The following RSPH9 variants were observed in gnomAD, a reference collection of about 807,000 sequenced individuals.
The protein encoded by RSPH9 is radial spoke head component 9.
A neutral mutation model predicts 27.0 loss-of-function variants in RSPH9; 27 were observed. That is an observed-to-expected ratio of 1.00 (90% confidence interval 0.74 to 1.38). The LOEUF (loss-of-function observed/expected upper bound fraction) is 1.38, where lower values mean the gene tolerates loss of function less well. Among genes scored for constraint, RSPH9 ranks in the 40% most tolerant of loss-of-function variants. RSPH9 has a pLI of 0.00. For synonymous variants in RSPH9, 145 were observed against 147.7 expected, an observed-to-expected ratio of 0.98 and a Z score of 0.13; for missense variants, 347 against 357.4, an observed-to-expected ratio of 0.97 and a Z score of 0.24.
intron 2 of RSPH9, among the ~76,000 whole-genome samples, chr6:43,653,470 A>T (rs1011488153): frequency 1.3e-5 from 2 of 150,514 alleles, no homozygotes; most frequent in East Asian, 3.9e-4. Flanking sequence ...AAAAAAGACC[A>T]TATAGACATC....
Position 43,645,055 on chromosome 6 carries a change from T to C in RSPH9, c.-44T>C. The stretch of plus-strand genomic sequence containing the variant: ...AGCTTCAGGTCTCCATGGAGGCGGC[T>C]TCTCCTAGCAACTCGACGGGCGTTG... On this transcript the variant is annotated 5_prime_UTR_variant, in exon 1 of 5. Transcript: ENST00000372163. 6.4e-7 allele frequency: 1 copy of C among 1,561,566 alleles called. No individual in the cohort carries two copies. Among genetic ancestry groups the C allele is most frequent in the African/African-American group, 1.3e-5 (1 of 74,198 alleles).
rs35110984 is a variant in RSPH9, at chr6:43,650,410, C to T, written c.263C>T (p.Ala88Val). Residue 88 changes from alanine (A) to valine (V), a missense_variant, in exon 2 of 5, where the codon GCC becomes GTC. Ala to Val is a moderately conservative substitution (Grantham distance 64). Coordinates refer to ENST00000372163, the MANE Select transcript of RSPH9 (RefSeq NM_152732.5). ...NCTEWSLLPPATEEMVAQSSV... is the reference protein window; with the variant it reads ...NCTEWSLLPPVTEEMVAQSSV... ...ACAGAGTGGAGCCTCTTGCCCCCTG[C>T]CACAGAGGAGATGGTGGCGCAGTCG... 1.1e-3 allele frequency: 1,788 copies of T among 1,613,736 alleles called. 17 individuals carry two copies. In the African/African-American group the frequency reaches 0.022, roughly 20 times the overall value.
chr6:43,665,660 C>G (rs1364076390), intron 4 of RSPH9, among the ~76,000 whole-genome samples: 1 of 152,100 alleles, frequency 6.6e-6, no homozygotes, highest in Non-Finnish European at 1.5e-5. Context: ...CACCATGTTG[C>G]TTTATGAGCT....
chr6:43,649,861 C>T (rs1233549888), intron 1 of RSPH9, among the ~76,000 whole-genome samples: 1 of 152,124 alleles, frequency 6.6e-6, no homozygotes, highest in Non-Finnish European at 1.5e-5. Flanking sequence ...CATTTAATTT[C>T]AGCATACATG....
intron 1 of RSPH9, 38 bp downstream of exon 1, chr6:43,645,363 CTACCTGGAGG>C: frequency 1.2e-6 from 1 of 816,154 alleles, no homozygotes; most frequent in Non-Finnish European, 1.8e-6. Flanking sequence ...CAGAGGGTGG[CTACCTGGAGG>C]CAGGGCGGGG....
intron 4 of RSPH9, among the ~76,000 whole-genome samples, chr6:43,658,938 C>T (rs560288653): frequency 2.6e-5 from 4 of 152,300 alleles, no homozygotes; most frequent in African/African-American, 9.6e-5. Context: ...CTGCCCGCTT[C>T]AGCCTCCCAA....
chr6:43,664,026 CGA>C (rs1561943707), intron 4 of RSPH9, among the ~76,000 whole-genome samples: 1 of 127,552 alleles, frequency 7.8e-6, no homozygotes, highest in Non-Finnish European at 1.7e-5. Context: ...GAGAATGTCT[CGA>C]AAAAAAAAAA....
intron 1 of RSPH9, among the ~76,000 whole-genome samples, chr6:43,645,533 G>C (rs1302946611): frequency 3.9e-5 from 6 of 152,230 alleles, no homozygotes; most frequent in Non-Finnish European, 7.3e-5. Flanking sequence ...GGATGGGGAT[G>C]TCTCGGAATC....
intron 2 of RSPH9, among the ~76,000 whole-genome samples, chr6:43,652,429 C>CT (rs1178544653): frequency 0.01 from 1,457 of 142,616 alleles, 8 homozygotes; most frequent in African/African-American, 0.018. Flanking sequence ...CCTTCCCATT[C>CT]TTTTTTTTTT....
rs763897647 is a variant in RSPH9, at chr6:43,671,808, C to T, written c.*859C>T. 9.3e-5 allele frequency: 150 copies of T among 1,614,092 alleles called. No individual in the cohort carries two copies. The highest frequency in any genetic ancestry group is 1.2e-4 in the Non-Finnish European group (144 of 1,180,044). On this transcript the variant is annotated 3_prime_UTR_variant, in exon 5 of 5. Coordinates refer to ENST00000372163, the MANE Select transcript of RSPH9 (RefSeq NM_152732.5). ...TGTTCTTGAGTAGCAGACATTGTCC[C>T]TCAGAAGGGGTGACCCCACGGGCAT...
At chr6:43,664,459 C>A (rs564748027) in intron 4 of RSPH9, among the ~76,000 whole-genome samples, 1 of 152,214 alleles carries the variant, frequency 6.6e-6, no homozygotes, top group South Asian at 2.1e-4. Flanking sequence ...CCTAGGAGGG[C>A]CTAGAAGGCC....
At chr6:43,654,019 C>T (rs1032506289) in intron 2 of RSPH9, among the ~76,000 whole-genome samples, 2 of 152,128 alleles carry the variant, frequency 1.3e-5, no homozygotes, top group Non-Finnish European at 2.9e-5. Context: ...TATTATTTTT[C>T]TGTAAAATTG....
chr6:43,659,225 CTT>C (rs56790116), intron 4 of RSPH9, among the ~76,000 whole-genome samples: 5 of 144,478 alleles, frequency 3.5e-5, no homozygotes, highest in Non-Finnish European at 4.6e-5. Context: ...CCACTGAAGT[CTT>C]TTTTTTTTTT....
In RSPH9 at chr6:43,656,633, G is replaced by A; in HGVS notation, c.580G>A (p.Val194Ile). 6.2e-7 allele frequency: 1 copy of A among 1,614,196 alleles called. No individual in the cohort carries two copies. The highest frequency in any genetic ancestry group is 8.5e-7 in the Non-Finnish European group (1 of 1,180,004). ...LSSYFHFREP[V>I]ELKNKTLLEK... ...CTCCTACTTCCATTTCAGGGAGCCT[G>A]TTGAGCTAAAGAATAAGACCTTGCT... Residue 194 changes from valine to isoleucine, a missense_variant, in exon 4 of 5, where the codon GTT becomes ATT. Val to Ile is a conservative substitution (Grantham distance 29). Transcript: ENST00000372163.
intron 2 of RSPH9, among the ~76,000 whole-genome samples, chr6:43,654,361 A>C (rs553606267): frequency 2.0e-5 from 3 of 152,346 alleles, no homozygotes; most frequent in Admixed American, 2.0e-4. Flanking sequence ...AGGATATGAA[A>C]CAATATAAAC....
At chr6:43,648,756 G>A (rs1324205395) in intron 1 of RSPH9, among the ~76,000 whole-genome samples, 1 of 152,212 alleles carries the variant, frequency 6.6e-6, no homozygotes, top group Non-Finnish European at 1.5e-5. Flanking sequence ...GCCAAGGTGG[G>A]AGCTGTGGAA....
At chr6:43,655,735 C>T (rs1771934283) in intron 3 of RSPH9, 44 bp downstream of exon 3, 1 of 1,611,268 alleles carries the variant, frequency 6.2e-7, no homozygotes, top group African/African-American at 1.3e-5. Flanking sequence ...GGTATCTTTT[C>T]CCAAGCACAG....
intron 4 of RSPH9, among the ~76,000 whole-genome samples, chr6:43,662,306 G>A (rs1772709508): frequency 6.6e-6 from 1 of 152,042 alleles, no homozygotes; most frequent in Non-Finnish European, 1.5e-5. Flanking sequence ...GGTTGTGGCC[G>A]GTTTGATTTC....
At chr6:43,658,471 T>C (rs556488546) in intron 4 of RSPH9, among the ~76,000 whole-genome samples, 2 of 152,272 alleles carry the variant, frequency 1.3e-5, no homozygotes, top group South Asian at 4.1e-4. Flanking sequence ...GCATTGTGTC[T>C]AAAAATGTTA....
Sources: allele counts gnomAD v4.1 joint callset (sites outside exome capture counted in the v4.1 genomes callset), GRCh38; gene constraint gnomAD v4.1.1; transcripts MANE v1.5; gene names NCBI Gene and HGNC (gene_info 2026-07-23, HGNC 2026-07-21).